EXOC6B: variants seen among roughly 807,000 people sequenced by gnomAD.
EXOC6B encodes the protein exocyst complex component 6B, also known as SEC15 homolog B.
In EXOC6B, 54 loss-of-function variants were observed where a neutral mutation model predicts 113.5. The observed-to-expected ratio is 0.48, with a 90% CI of 0.38 to 0.60. The LOEUF (loss-of-function observed/expected upper bound fraction) is 0.60, where lower values mean the gene tolerates loss of function less well. Ranked by LOEUF, EXOC6B falls within the 20% of genes least tolerant of loss-of-function variation. The pLI is 0.00. For missense variants in EXOC6B, 797 were observed against 977.5 expected (o/e 0.82, Z 2.46); for synonymous variants, 357 against 339.0 (o/e 1.05, Z -0.58).
At chr2:72,405,818 C>T (rs1693712042) in intron 18 of EXOC6B, among the ~76,000 whole-genome samples, 1 of 152,210 alleles carries the variant, frequency 6.6e-6, no homozygotes, top group Non-Finnish European at 1.5e-5. Flanking sequence ...AACCAGCTAA[C>T]ATCATAATGA....
At chr2:72,513,425 T>C (rs978468305) in intron 10 of EXOC6B, among the ~76,000 whole-genome samples, 173 bp from the exon 11 acceptor site, 1 of 152,086 alleles carries the variant, frequency 6.6e-6, no homozygotes, top group African/African-American at 2.4e-5. Context: ...GACCAAAAAT[T>C]ATGTCTGTGA....
intron 20 of EXOC6B, among the ~76,000 whole-genome samples, chr2:72,296,006 ATGAAGAATT>A (rs1686112576): frequency 6.6e-6 from 1 of 152,164 alleles, no homozygotes; most frequent in East Asian, 1.9e-4. Context: ...CCCCTTAAAG[ATGAAGAATT>A]CAAGGACTAG....
chr2:72,552,326 C>G (rs894423115), intron 8 of EXOC6B, among the ~76,000 whole-genome samples: 1 of 151,920 alleles, frequency 6.6e-6, no homozygotes, highest in East Asian at 1.9e-4. Context: ...TCCAAACATA[C>G]GATTGAAGAG....
chr2:72,179,119 C>A lies in EXOC6B; in HGVS notation c.*216G>T, dbSNP rs534211293. On this transcript the variant is annotated 3_prime_UTR_variant, in exon 22 of 22. Transcript: ENST00000272427. ...AACACAGATAGTGTAGTAATAACTT[C>A]CCCTGAGTCCCAGCCTAGCAACATC... is the stretch of plus-strand genomic sequence containing the variant. 4 of 525,550 alleles carry A rather than the reference C, an allele frequency of 7.6e-6. No individual in the cohort carries two copies. The highest frequency in any genetic ancestry group is 9.8e-6 in the Non-Finnish European group (3 of 305,958). 32.6% of individuals were successfully genotyped at this position (525,550 alleles called of 1,614,324 possible).
intron 20 of EXOC6B, among the ~76,000 whole-genome samples, chr2:72,297,633 G>C (rs1356536746): frequency 6.6e-6 from 1 of 152,052 alleles, no homozygotes. Context: ...GCTTTCTCTT[G>C]TGGGCATTTA....
intron 20 of EXOC6B, among the ~76,000 whole-genome samples, chr2:72,257,488 G>A (rs1683423354): frequency 6.6e-6 from 1 of 152,080 alleles, no homozygotes; most frequent in South Asian, 2.1e-4. Flanking sequence ...CTTAGCAGAA[G>A]GAAAAACCAC....
At chr2:72,495,621 G>A in intron 14 of EXOC6B, 82 bp from the exon 15 acceptor site, 2 of 765,894 alleles carry the variant, frequency 2.6e-6, no homozygotes, top group South Asian at 1.7e-5. Context: ...GTTGCAAAAA[G>A]AACATTCTTT....
Position 72,436,154 on chromosome 2 carries a change from A to G in EXOC6B, c.1980+29006T>C, listed in dbSNP as rs143596467. On this transcript the variant is annotated intron_variant, in intron 18 of 21. Coordinates refer to ENST00000272427, the MANE Select transcript of EXOC6B (RefSeq NM_015189.3). ...AAGGATTTTATTTCTCCTTCACTTA[A>G]GAAGTTTAGTTTGGCTGGATATGAA... 7.4e-3 allele frequency among the ~76,000 whole-genome samples: 1,127 copies of G among 152,226 alleles called. 5 individuals carry two copies. The highest frequency in any genetic ancestry group is 0.011 in the Non-Finnish European group (748 of 68,002).
At chr2:72,307,042 G>A (rs1686906109) in intron 20 of EXOC6B, among the ~76,000 whole-genome samples, 1 of 152,002 alleles carries the variant, frequency 6.6e-6, no homozygotes, top group Admixed American at 6.6e-5. Context: ...GTCCATAAAA[G>A]CCTTCTTCCT....
intron 6 of EXOC6B, among the ~76,000 whole-genome samples, chr2:72,599,359 CATA>C (rs761611076): frequency 8.5e-5 from 13 of 152,146 alleles, no homozygotes; most frequent in Non-Finnish European, 1.8e-4. Flanking sequence ...CACCATTCAT[CATA>C]ATAACTCTCA....
At chr2:72,706,841 A>G (rs1678912451) in intron 6 of EXOC6B, among the ~76,000 whole-genome samples, 1 of 152,176 alleles carries the variant, frequency 6.6e-6, no homozygotes. Context: ...TTTGACCACT[A>G]TAACACGACT....
At chr2:72,790,888 AAAAATTGAACTCAG>A (rs1263650892) in intron 1 of EXOC6B, among the ~76,000 whole-genome samples, 2 of 152,198 alleles carry the variant, frequency 1.3e-5, no homozygotes, top group African/African-American at 4.8e-5. Context: ...GGGAGCTAAA[AAAAATTGAACTCAG>A]AAGTAGAGAG....
At chr2:72,268,179 T>C (rs1684254222) in intron 20 of EXOC6B, among the ~76,000 whole-genome samples, 1 of 152,156 alleles carries the variant, frequency 6.6e-6, no homozygotes, top group Non-Finnish European at 1.5e-5. Flanking sequence ...GGCATGATCT[T>C]GGCTCACTGC....
chr2:72,604,521 T>G (rs773902687), intron 6 of EXOC6B, among the ~76,000 whole-genome samples: 26 of 152,350 alleles, frequency 1.7e-4, no homozygotes, highest in Middle Eastern at 3.4e-3. Context: ...ACTTTCATTA[T>G]TTCCACTTTA....
At chr2:72,824,215 A>G (rs547380677) in intron 1 of EXOC6B, among the ~76,000 whole-genome samples, 37 of 152,082 alleles carry the variant, frequency 2.4e-4, no homozygotes, top group Non-Finnish European at 4.1e-4. Context: ...GCAAAATCCC[A>G]TCTCTACAAA....
chr2:72,804,496 C>T (rs1241388667), intron 1 of EXOC6B, among the ~76,000 whole-genome samples: 1 of 151,998 alleles, frequency 6.6e-6, no homozygotes, highest in African/African-American at 2.4e-5. Context: ...ACAACAGCAC[C>T]AGAAATAATT....
At chr2:72,401,547 GTATATATATA>G (rs1199841154) in intron 18 of EXOC6B, among the ~76,000 whole-genome samples, 1 of 20,642 alleles carries the variant, frequency 4.8e-5, no homozygotes, top group African/African-American at 3.8e-4. Flanking sequence ...ATATATATGT[GTATATATATA>G]TATATATACA....
intron 5 of EXOC6B, among the ~76,000 whole-genome samples, chr2:72,719,442 C>A (rs552857181): frequency 9.8e-5 from 15 of 152,298 alleles, no homozygotes; most frequent in African/African-American, 3.6e-4. Context: ...AAGTTGCTAG[C>A]CGGCTGAGAG....
chr2:72,311,898 A>G (rs1375212008), intron 20 of EXOC6B, among the ~76,000 whole-genome samples: 1 of 152,210 alleles, frequency 6.6e-6, no homozygotes, highest in Non-Finnish European at 1.5e-5. Flanking sequence ...CTAAAGGGAC[A>G]ATGATCTTGA....
Sources: gnomAD v4.1 joint callset for allele counts (sites outside exome capture counted in the v4.1 genomes callset) on GRCh38, gnomAD v4.1.1 for gene constraint, MANE v1.5 for transcripts, NCBI Gene and HGNC (gene_info 2026-07-23, HGNC 2026-07-21) for gene names.